Variants in PCDHGA8 observed in about 807,000 individuals in gnomAD.
The protein encoded by PCDHGA8 is protocadherin gamma-A8.
Under a neutral mutation model 59.2 loss-of-function variants are expected in PCDHGA8, and 45 were observed. The observed-to-expected ratio is 0.76, with a 90% confidence interval of 0.60 to 0.98. PCDHGA8 has a LOEUF of 0.98. Ranked by LOEUF, PCDHGA8 falls within the 50% of genes least tolerant of loss-of-function variation. The pLI, the probability that PCDHGA8 is intolerant of heterozygous loss-of-function variation, is 0.00. For missense variants in PCDHGA8, 1,257 were observed against 1,196.2 expected, an observed-to-expected ratio of 1.05 and a Z score of -0.75; for synonymous variants, 531 against 519.0, an observed-to-expected ratio of 1.02 and a Z score of -0.32.
In PCDHGA8 at chr5:141,404,211, T is replaced by C. The variant is rs1423741415; in HGVS notation, c.2424+8974T>C. ...CGAGAAAAAGCCTCAGAATATAATATCACGGTGACTGCAACAGACAGAGGA... is the reference window on the plus strand; with the variant it reads ...CGAGAAAAAGCCTCAGAATATAATACCACGGTGACTGCAACAGACAGAGGA... On this transcript the variant is annotated intron_variant, in intron 1 of 3. Coordinates refer to ENST00000398604, the MANE Select transcript of PCDHGA8 (RefSeq NM_032088.2). 3 of 1,613,606 alleles carry C rather than the reference T, an allele frequency of 1.9e-6. No homozygotes were observed. The Admixed American group carries it at 5.0e-5, about 27-fold the overall frequency.
intron 1 of PCDHGA8, among the ~76,000 whole-genome samples, chr5:141,465,063 C>T (rs187265709): frequency 8.5e-4 from 129 of 151,534 alleles, no homozygotes; most frequent in South Asian, 1.3e-3. Context: ...TTTGAATTGT[C>T]TGTTCATGTC....
At chr5:141,420,634 G>A (rs891111955) in intron 1 of PCDHGA8, among the ~76,000 whole-genome samples, 2 of 152,080 alleles carry the variant, frequency 1.3e-5, no homozygotes, top group African/African-American at 4.8e-5. Context: ...CTCAATAAAG[G>A]AACCTTGTAA....
chr5:141,400,639 C>A, intron 1 of PCDHGA8: 1 of 1,310,186 alleles, frequency 7.6e-7, no homozygotes, highest in Non-Finnish European at 1.1e-6. Context: ...CAGAGCTGCT[C>A]AGAAAGCTGT....
chr5:141,406,532 G>A (rs58503510), intron 1 of PCDHGA8, among the ~76,000 whole-genome samples: 16,962 of 152,088 alleles, frequency 0.11, 1,106 homozygotes, highest in African/African-American at 0.18. Context: ...ATTTTCTGAC[G>A]AAGATTCAAA....
At position 141,425,713 on chromosome 5, in the gene PCDHGA8, C is replaced by T. The variant is rs191037499; in HGVS notation, c.2424+30476C>T. 3.9e-4 allele frequency among the ~76,000 whole-genome samples: 60 copies of T among 152,312 alleles called. No homozygotes were observed. In the East Asian group the frequency reaches 6.7e-3, roughly 17 times the overall value. On this transcript the variant is annotated intron_variant, in intron 1 of 3. Transcript: ENST00000398604. ...CATTTCATAGTGGTCAAAATTTTCC[C>T]ATACCACTTGATGGGGATGTTTTCC...
At chr5:141,455,239 G>A (rs1034181635) in intron 1 of PCDHGA8, among the ~76,000 whole-genome samples, 1 of 151,898 alleles carries the variant, frequency 6.6e-6, no homozygotes, top group African/African-American at 2.4e-5. Context: ...AAATGTTAAA[G>A]GTCATAGTAC....
chr5:141,403,729 C>G (rs1409756180), intron 1 of PCDHGA8: 1 of 1,613,896 alleles, frequency 6.2e-7, no homozygotes, highest in Non-Finnish European at 8.5e-7. Context: ...CCCCAGGCAC[C>G]TGGCTGCTTA....
In PCDHGA8 at chr5:141,490,682, C is replaced by T. The variant is rs1286126848; in HGVS notation, c.2425-4125C>T. On this transcript the variant is annotated intron_variant, in intron 1 of 3. Coordinates refer to ENST00000398604, the MANE Select transcript of PCDHGA8 (RefSeq NM_032088.2). The surrounding 1 kb of genome is among the most constrained non-coding windows in gnomAD (Gnocchi z 5.4). ...CTTTGCACTGTGGCTGCCTCAGATC[C>T]AGACACTGGGGATAATGCCCGCCTC... 10 of 1,614,054 alleles carry T rather than the reference C, an allele frequency of 6.2e-6. No homozygotes were observed. The highest frequency in any genetic ancestry group is 3.3e-5 in the Admixed American group (2 of 60,008).
rs1453419469 is a variant in PCDHGA8, at chr5:141,505,501, G to A, written c.2572+20G>A. On this transcript the variant is annotated intron_variant, in intron 3 of 3. Transcript: ENST00000398604. ...CCAGTGGTAAGTGGTGTCAGTGTGT[G>A]TATGGAAGAGTGGGAGACCTGGGGT... The A allele has an allele frequency of 1.2e-6, 2 of 1,614,156 alleles. No homozygotes were observed. Among genetic ancestry groups the A allele is most frequent in the Non-Finnish European group, 1.7e-6 (2 of 1,179,970 alleles).
At chr5:141,408,936 A>T in intron 1 of PCDHGA8, 4 of 1,613,548 alleles carry the variant, frequency 2.5e-6, no homozygotes, top group Non-Finnish European at 1.7e-6. Flanking sequence ...TTCAGCAGAG[A>T]CGAATATAGA....
At chr5:141,478,239 C>G in intron 1 of PCDHGA8, 1 of 1,614,132 alleles carries the variant, frequency 6.2e-7, no homozygotes. Flanking sequence ...TTTGTGGTCA[C>G]AGTGTTCGGA....
chr5:141,394,488 G>C lies in PCDHGA8; in HGVS notation c.1675G>C (p.Ala559Pro), dbSNP rs753312224. 7.4e-6 allele frequency: 12 copies of C among 1,614,196 alleles called. No homozygotes were observed. In the South Asian group the frequency reaches 1.1e-4, roughly 15 times the overall value. Reference protein sequence around the residue: ...SLFVLDQNDNAPEILYPALPT... With the variant: ...SLFVLDQNDNPPEILYPALPT... ...GTTCGTGCTGGACCAGAATGACAAC[G>C]CGCCCGAGATCCTGTACCCCGCCCT... is the stretch of plus-strand genomic sequence containing the variant. The change falls in exon 1 of 4, where the codon GCG becomes CCG. Residue 559 changes from alanine (A) to proline (P), a missense_variant. Transcript: ENST00000398604.
rs1302496204 is a variant in PCDHGA8, at chr5:141,413,214, T to A, written c.2424+17977T>A. On this transcript the variant is annotated intron_variant, in intron 1 of 3. Coordinates refer to ENST00000398604, the MANE Select transcript of PCDHGA8 (RefSeq NM_032088.2). ...GGAATCGCTCAAAGGAATCAAAGGA[T>A]TGCAGCGGGCTGGTCCTGCTCTGCC... 6 of 1,613,176 alleles carry A rather than the reference T, an allele frequency of 3.7e-6. No homozygotes were observed. The African/African-American group carries it at 8.0e-5, about 22-fold the overall frequency.
At chr5:141,482,667 G>C (rs2099569914) in intron 1 of PCDHGA8, among the ~76,000 whole-genome samples, 1 of 151,094 alleles carries the variant, frequency 6.6e-6, no homozygotes, top group Admixed American at 6.6e-5. Context: ...ATGATCTAAA[G>C]GTTGAGTAGT....
intron 1 of PCDHGA8, chr5:141,423,080 T>C: frequency 6.2e-7 from 1 of 1,614,050 alleles, no homozygotes; most frequent in East Asian, 2.2e-5. Flanking sequence ...CCGGGACTCT[T>C]CGCGGTGGGG....
chr5:141,422,539 C>G, intron 1 of PCDHGA8: 1 of 1,613,994 alleles, frequency 6.2e-7, no homozygotes, highest in Non-Finnish European at 8.5e-7. Flanking sequence ...TGCAGAAACT[C>G]ATGTCTGGCT....
chr5:141,408,439 G>A (rs1057408625), intron 1 of PCDHGA8: 4 of 1,613,950 alleles, frequency 2.5e-6, no homozygotes, highest in Non-Finnish European at 3.4e-6. Flanking sequence ...GCGTAGACGC[G>A]GAGAGCGGGG....
At chr5:141,462,459 C>T (rs190781980) in intron 1 of PCDHGA8, among the ~76,000 whole-genome samples, 11 of 152,128 alleles carry the variant, frequency 7.2e-5, no homozygotes, top group Admixed American at 2.6e-4. Flanking sequence ...TAACTGAAAA[C>T]TGTGTATTCT....
At chr5:141,501,755 G>C (rs2099810889) in intron 2 of PCDHGA8, among the ~76,000 whole-genome samples, 1 of 152,116 alleles carries the variant, frequency 6.6e-6, no homozygotes, top group Non-Finnish European at 1.5e-5. Context: ...GAAGCTCTCA[G>C]TAAATGGTTA....
Sources: allele counts gnomAD v4.1 joint callset (sites outside exome capture counted in the v4.1 genomes callset), GRCh38; gene constraint gnomAD v4.1.1; non-coding constraint Gnocchi (gnomAD v3.1); transcripts MANE v1.5; gene names NCBI Gene and HGNC (gene_info 2026-07-23, HGNC 2026-07-21).